The following PEX14 variants were observed in gnomAD, a reference collection of about 807,000 sequenced individuals.
The protein encoded by PEX14 is peroxisomal biogenesis factor 14.
A neutral mutation model predicts 49.5 loss-of-function variants in PEX14; 15 were observed. The ratio of observed to expected loss-of-function variants is 0.30; its 90% CI spans 0.20 to 0.47. The LOEUF (loss-of-function observed/expected upper bound fraction) is 0.47. Among genes scored for constraint, PEX14 ranks in the 20% least tolerant of loss-of-function variants. PEX14 has a pLI of 1.00. For missense variants in PEX14, 398 were observed against 494.8 expected, an observed-to-expected ratio of 0.80 and a Z score of 1.86; for synonymous variants, 210 against 212.7, an observed-to-expected ratio of 0.99 and a Z score of 0.11.
At chr1:10,560,407 G>A (rs991844037) in intron 3 of PEX14, among the ~76,000 whole-genome samples, 4 of 151,748 alleles carry the variant, frequency 2.6e-5, no homozygotes, top group South Asian at 2.1e-4. Flanking sequence ...GTGGAATAGC[G>A]TATGAACACC....
chr1:10,475,518 C>T (rs1641180809), intron 1 of PEX14, among the ~76,000 whole-genome samples: 1 of 152,188 alleles, frequency 6.6e-6, no homozygotes. Context: ...CTAGTCGAGC[C>T]CTCTCAGTGC....
chr1:10,489,599 C>T (rs1455482535), intron 1 of PEX14, among the ~76,000 whole-genome samples: 1 of 152,186 alleles, frequency 6.6e-6, no homozygotes, highest in Non-Finnish European at 1.5e-5. Context: ...TGGAGTTTCA[C>T]CCTATGCATG....
chr1:10,566,201 A>T (rs1230015162), intron 3 of PEX14, among the ~76,000 whole-genome samples: 2 of 152,176 alleles, frequency 1.3e-5, no homozygotes, highest in African/African-American at 4.8e-5. Flanking sequence ...TCTTGGTTAG[A>T]TGCAGAAAGC....
intron 3 of PEX14, among the ~76,000 whole-genome samples, chr1:10,561,653 G>A (rs1329181641): frequency 6.6e-6 from 1 of 152,184 alleles, no homozygotes; most frequent in Non-Finnish European, 1.5e-5. Context: ...TAATTAACAA[G>A]TAATCTGAGA....
chr1:10,511,505 A>G (rs1029225667), intron 2 of PEX14, among the ~76,000 whole-genome samples: 9 of 152,212 alleles, frequency 5.9e-5, no homozygotes, highest in African/African-American at 2.2e-4. Flanking sequence ...GACCATGCAC[A>G]TCAGAGTTTA....
intron 3 of PEX14, among the ~76,000 whole-genome samples, chr1:10,577,580 T>A (rs1397836689): frequency 0.064 from 998 of 15,698 alleles, 93 homozygotes; most frequent in Non-Finnish European, 0.079. Context: ...TTTTTTTTTT[T>A]TTTTTTTTTT....
chr1:10,551,099 G>A (rs1241994323), intron 3 of PEX14, among the ~76,000 whole-genome samples: 1 of 152,146 alleles, frequency 6.6e-6, no homozygotes, highest in Non-Finnish European at 1.5e-5. Context: ...CTCTGCTCCT[G>A]TGGAGAGGTC....
At chr1:10,480,715 A>G (rs1391487773) in intron 1 of PEX14, among the ~76,000 whole-genome samples, 1 of 151,972 alleles carries the variant, frequency 6.6e-6, no homozygotes, top group African/African-American at 2.4e-5. Flanking sequence ...ATTTTGAAAA[A>G]TTTCTCACGT....
rs1557819658 is a variant in PEX14, at chr1:10,512,044, C to T, written c.84+16723C>T. Among the ~76,000 whole-genome samples the T allele has an allele frequency of 6.6e-6, 1 of 152,162 alleles. No homozygotes were observed. On this transcript the variant is annotated intron_variant, in intron 2 of 8. Coordinates refer to ENST00000356607, the MANE Select transcript of PEX14 (RefSeq NM_004565.3). The surrounding 1 kb of genome is among the most constrained non-coding windows in gnomAD (Gnocchi z 4.6). ...GCATAATCTTGGCTCACTGCACGCT[C>T]CGCCTCCCGGGTTTACGCCATTCTC...
At chr1:10,491,674 CTTTTTTTTTTT>C (rs5772417) in intron 1 of PEX14, among the ~76,000 whole-genome samples, 5 of 55,116 alleles carry the variant, frequency 9.1e-5, no homozygotes, top group East Asian at 4.6e-4. Flanking sequence ...GGCCATGCTC[CTTTTTTTTTTT>C]TTTTTTTTTT....
At chr1:10,594,613 G>A (rs1001738774) in intron 3 of PEX14, among the ~76,000 whole-genome samples, 4 of 152,220 alleles carry the variant, frequency 2.6e-5, no homozygotes, top group Non-Finnish European at 5.9e-5. Context: ...CCTGAAAGAT[G>A]AAGAGAACAC....
chr1:10,476,611 C>T lies in PEX14; in HGVS notation c.36+1609C>T, dbSNP rs576072653. Among the ~76,000 whole-genome samples the T allele has an allele frequency of 5.9e-5, 9 of 152,224 alleles. No individual in the cohort carries two copies. The South Asian group carries it at 1.5e-3, about 25-fold the overall frequency. ...GGTTCGAGCAATTCTCCTGCCTCAG[C>T]CTCCCAAGTAGCTGGGACTACGGGT... On this transcript the variant is annotated intron_variant, in intron 1 of 8. Coordinates refer to ENST00000356607, the MANE Select transcript of PEX14 (RefSeq NM_004565.3).
At position 10,541,035 on chromosome 1, in the gene PEX14, C is replaced by T. The variant is rs554469321; in HGVS notation, c.169+4738C>T. On this transcript the variant is annotated intron_variant, in intron 3 of 8. Coordinates refer to ENST00000356607, the MANE Select transcript of PEX14 (RefSeq NM_004565.3). ...AGTTGAATGTCTTATTGATTCTTAC[C>T]TTTCTGTTCGTTATAGACGACCAGA... Among the ~76,000 whole-genome samples the T allele has an allele frequency of 2.0e-5, 3 of 152,308 alleles. No individual in the cohort carries two copies. In the South Asian group the frequency reaches 6.2e-4, roughly 32 times the overall value.
rs188034343 is a variant in PEX14, at chr1:10,570,344, T to G, written c.170-28894T>G. Among the ~76,000 whole-genome samples the G allele has an allele frequency of 2.9e-4, 44 of 152,332 alleles. 3 individuals carry two copies. In the South Asian group the frequency reaches 6.2e-3, roughly 22 times the overall value. ...GTTTTTGGATGGCTGTTTTTCATTT[T>G]CTTTTTTGAGACGTGGTCTTGCTCT... On this transcript the variant is annotated intron_variant, in intron 3 of 8. Transcript: ENST00000356607.
chr1:10,550,777 G>C (rs1639311762), intron 3 of PEX14, among the ~76,000 whole-genome samples: 1 of 152,206 alleles, frequency 6.6e-6, no homozygotes, highest in Middle Eastern at 3.4e-3. Context: ...TGAATTTCAG[G>C]GTGTAGTCTG....
At position 10,555,502 on chromosome 1, in the gene PEX14, G is replaced by A. The variant is rs890342043; in HGVS notation, c.169+19205G>A. ...CTCATTACAGTAATTAAACCGCAGC[G>A]TTTAACCTATCAGAATGTGCTGCAT... On this transcript the variant is annotated intron_variant, in intron 3 of 8. Transcript: ENST00000356607. Among the ~76,000 whole-genome samples the A allele has an allele frequency of 5.3e-5, 8 of 152,286 alleles. No individual in the cohort carries two copies. The East Asian group carries it at 5.8e-4, about 11-fold the overall frequency.
intron 3 of PEX14, among the ~76,000 whole-genome samples, chr1:10,577,562 ATTTTTTTTTTTTTTTTTTTTTTT>A (rs1164876121): frequency 4.8e-4 from 3 of 6,236 alleles, no homozygotes; most frequent in African/African-American, 1.4e-3. Context: ...ATATATATAT[ATTTTTTTTTTTTTTTTTTTTTTT>A]TTTTTTTTTT....
At position 10,530,147 on chromosome 1, in the gene PEX14, C is replaced by A. The variant is rs1209444699; in HGVS notation, c.85-6066C>A. Reference sequence around the variant, plus strand: ...TGTGCGTTAATTATAGATAAATGGGCTAAAATTGCCTCTTGGTTTTGTAAC... The same window carrying A: ...TGTGCGTTAATTATAGATAAATGGGATAAAATTGCCTCTTGGTTTTGTAAC... On this transcript the variant is annotated intron_variant, in intron 2 of 8. Transcript: ENST00000356607. 2.6e-5 allele frequency among the ~76,000 whole-genome samples: 4 copies of A among 152,098 alleles called. No homozygotes were observed. In the East Asian group the frequency reaches 7.7e-4, roughly 29 times the overall value.
chr1:10,490,475 G>A (rs1216627457), intron 1 of PEX14, among the ~76,000 whole-genome samples: 3 of 152,294 alleles, frequency 2.0e-5, no homozygotes, highest in South Asian at 2.1e-4. Flanking sequence ...GAAGGTCAGC[G>A]CCTTGGCAGC....
Sources: allele counts gnomAD v4.1 joint callset (sites outside exome capture counted in the v4.1 genomes callset), GRCh38; gene constraint gnomAD v4.1.1; non-coding constraint Gnocchi (gnomAD v3.1); transcripts MANE v1.5; gene names NCBI Gene and HGNC (gene_info 2026-07-23, HGNC 2026-07-21).